Variants in NET1 observed in about 807,000 individuals in gnomAD.
The protein encoded by NET1 is neuroepithelial cell-transforming gene 1 protein.
In NET1, 42 loss-of-function variants were observed where a neutral mutation model predicts 61.1. The observed-to-expected ratio is 0.69, with a 90% CI of 0.54 to 0.89. The LOEUF is 0.89. Among genes scored for constraint, NET1 ranks in the 40% least tolerant of loss-of-function variants. The pLI is 0.00. For synonymous variants in NET1, 254 were observed against 281.8 expected (o/e 0.90, Z 0.99); for missense variants, 654 against 747.3 (o/e 0.88, Z 1.46).
Position 5,424,538 on chromosome 10 carries a change from T to C in NET1, c.129-2117T>C, listed in dbSNP as rs1832229183. Among the ~76,000 whole-genome samples the C allele has an allele frequency of 1.3e-5, 2 of 152,210 alleles. No homozygotes were observed. The highest frequency in any genetic ancestry group is 6.5e-5 in the Admixed American group (1 of 15,280). On this transcript the variant is annotated intron_variant, in intron 1 of 11. Transcript: ENST00000355029. The surrounding 1 kb of genome is among the most constrained non-coding windows in gnomAD (Gnocchi z 6.1). ...CAAGAAAAAAATACCATTTTCTTTG[T>C]TGATGCTTGACTTTTCTGCAGTAGC...
Position 5,454,429 on chromosome 10 carries a change from T to C in NET1, c.933T>C (p.Pro311=). ...KLDLWSFLDI[P]RSRLVKYPLL... ...ATCTTTGGAGTTTCCTAGATATCCC[T>C]CGAAGTCGCCTAGTCAAATACCCTT... The change falls in exon 9 of 12, where the codon CCT becomes CCC. Residue 311 remains proline (P), a synonymous_variant. Coordinates refer to ENST00000355029, the MANE Select transcript of NET1 (RefSeq NM_001047160.3). This position sits in a 1 kb window ranked among gnomAD's most constrained non-coding sequence, Gnocchi z 8.1. 3.1e-6 allele frequency: 5 copies of C among 1,614,190 alleles called. No homozygotes were observed. Among genetic ancestry groups the C allele is most frequent in the Non-Finnish European group, 3.4e-6 (4 of 1,180,018 alleles).
chr10:5,413,954 G>T (rs754513038), intron 1 of NET1, among the ~76,000 whole-genome samples: 1 of 152,112 alleles, frequency 6.6e-6, no homozygotes, highest in East Asian at 1.9e-4. Context: ...ACAGAATGCC[G>T]TAGATTAAAA....
rs905050634 is a variant in NET1 at position 5,444,847 on chromosome 10, C to T, written c.256-6983C>T. 3.3e-5 allele frequency among the ~76,000 whole-genome samples: 5 copies of T among 152,132 alleles called. No individual in the cohort carries two copies. The highest frequency in any genetic ancestry group is 6.5e-5 in the Admixed American group (1 of 15,276). On this transcript the variant is annotated intron_variant, in intron 3 of 11. Transcript: ENST00000355029. This position sits in a 1 kb window ranked among gnomAD's most constrained non-coding sequence, Gnocchi z 5.3. The stretch of plus-strand genomic sequence containing the variant: ...TATTTTCATTTGCATGTTCTTCCAC[C>T]GCCTCACACTCAGTATATCTAAAAT...
At position 5,456,837 on chromosome 10, in the gene NET1, C is replaced by T. The variant is rs778674040; in HGVS notation, c.1634C>T (p.Thr545Ile). ...AGGGCATCCACAGTTTCCAGTGTTA[C>T]TCAGGTAGAAGTTGATGAAAACGCT... ...QRRASTVSSV[T>I]QVEVDENAYR... The change falls in exon 12 of 12, where the codon ACT (threonine) becomes ATT (isoleucine). Residue 545 changes from threonine to isoleucine, a missense_variant. By Grantham distance (89) the Thr-to-Ile change is moderately conservative (BLOSUM62 -1). Transcript: ENST00000355029. The surrounding 1 kb of genome is among the most constrained non-coding windows in gnomAD (Gnocchi z 7.0). The T allele has an allele frequency of 5.0e-6, 8 of 1,613,880 alleles. No homozygotes were observed. The South Asian group carries it at 7.7e-5, about 16-fold the overall frequency.
chr10:5,440,766 C>G lies in NET1; in HGVS notation c.256-11064C>G, dbSNP rs982347058. Among the ~76,000 whole-genome samples, 2 of 152,224 alleles carry G rather than the reference C, an allele frequency of 1.3e-5. No individual in the cohort carries two copies. ...AACACTACAATCATTACAATTACCACTGCCCCTCTCTTGTTCATTTGCCAC... is the reference window on the plus strand; with the variant it reads ...AACACTACAATCATTACAATTACCAGTGCCCCTCTCTTGTTCATTTGCCAC... On this transcript the variant is annotated intron_variant, in intron 3 of 11. Coordinates refer to ENST00000355029, the MANE Select transcript of NET1 (RefSeq NM_001047160.3). This position sits in a 1 kb window ranked among gnomAD's most constrained non-coding sequence, Gnocchi z 4.1.
Position 5,427,514 on chromosome 10 carries a change from T to C in NET1, c.195+793T>C, listed in dbSNP as rs1401531646. 6.6e-6 allele frequency among the ~76,000 whole-genome samples: 1 copy of C among 152,176 alleles called. No individual in the cohort carries two copies. The highest frequency in any genetic ancestry group is 6.5e-5 in the Admixed American group (1 of 15,274). ...TGTATCCTTCTATATTTTGCTCATA[T>C]CATTAATATACACAAAGAGGCTCAC... On this transcript the variant is annotated intron_variant, in intron 2 of 11. Transcript: ENST00000355029. This position sits in a 1 kb window ranked among gnomAD's most constrained non-coding sequence, Gnocchi z 4.1.
chr10:5,446,026 G>A lies in NET1; in HGVS notation c.256-5804G>A, dbSNP rs921479396. 6.6e-6 allele frequency among the ~76,000 whole-genome samples: 1 copy of A among 152,088 alleles called. No homozygotes were observed. Among genetic ancestry groups the A allele is most frequent in the Non-Finnish European group, 1.5e-5 (1 of 68,024 alleles). ...CTACCTCTAAGAAATACTGAATTTT[G>A]AAATCTGAAGTAGCCCAGTTTACCC... is the stretch of plus-strand genomic sequence containing the variant. On this transcript the variant is annotated intron_variant, in intron 3 of 11. Transcript: ENST00000355029. The surrounding 1 kb of genome is among the most constrained non-coding windows in gnomAD (Gnocchi z 5.0).
chr10:5,432,016 T>G (rs1272305993), intron 3 of NET1, among the ~76,000 whole-genome samples: 1 of 152,210 alleles, frequency 6.6e-6, no homozygotes, highest in Non-Finnish European at 1.5e-5. Context: ...ATCTAGTGGC[T>G]TAATAGCCTC....
At position 5,454,617 on chromosome 10, in the gene NET1, A is replaced by T; in HGVS notation, c.1026+95A>T. ...TCTGAAGATGCTGATTCACATCAGCATAGTGAATTGTTTTGTTGTTTTAAG... is the reference window on the plus strand; with the variant it reads ...TCTGAAGATGCTGATTCACATCAGCTTAGTGAATTGTTTTGTTGTTTTAAG... On this transcript the variant is annotated intron_variant, in intron 9 of 11. Coordinates refer to ENST00000355029, the MANE Select transcript of NET1 (RefSeq NM_001047160.3). The surrounding 1 kb of genome is among the most constrained non-coding windows in gnomAD (Gnocchi z 8.1). The T allele has an allele frequency of 7.1e-7, 1 of 1,414,146 alleles. No individual in the cohort carries two copies. Among genetic ancestry groups the T allele is most frequent in the Non-Finnish European group, 9.6e-7 (1 of 1,042,232 alleles). The allele number at this position is 1,414,146 out of a possible 1,614,324, so 87.6% of individuals were successfully genotyped here. A position where few individuals can be genotyped will look rare whatever the true frequency, so the allele number is the denominator to read the frequency against.
At chr10:5,414,185 G>T (rs1056886187) in intron 1 of NET1, among the ~76,000 whole-genome samples, 11 of 152,116 alleles carry the variant, frequency 7.2e-5, no homozygotes, top group African/African-American at 2.7e-4. Context: ...AAACCAATAT[G>T]GGGAGAAGGA....
rs1832108629 is a variant in NET1, at chr10:5,417,920, C to G, written c.128+5100C>G. On this transcript the variant is annotated intron_variant, in intron 1 of 11. Transcript: ENST00000355029. This position sits in a 1 kb window ranked among gnomAD's most constrained non-coding sequence, Gnocchi z 5.5. ...TTTTTCTTTTGTCTATTGAAATGAT[C>G]ATGTGGTTGTTGTTATTACTGATGT... is the stretch of plus-strand genomic sequence containing the variant. Among the ~76,000 whole-genome samples the G allele has an allele frequency of 6.6e-6, 1 of 151,868 alleles. No individual in the cohort carries two copies. The highest frequency in any genetic ancestry group is 2.4e-5 in the African/African-American group (1 of 41,312).
chr10:5,440,126 A>G lies in NET1; in HGVS notation c.255+10897A>G, dbSNP rs1249678261. Among the ~76,000 whole-genome samples the G allele has an allele frequency of 6.6e-6, 1 of 152,160 alleles. No homozygotes were observed. Among genetic ancestry groups the G allele is most frequent in the Admixed American group, 6.5e-5 (1 of 15,282 alleles). ...ATATCCAAAATACTTTCCACTTCCT[A>G]TTCACCAGGTCTTTTTGGTATAATG... is the stretch of plus-strand genomic sequence containing the variant. On this transcript the variant is annotated intron_variant, in intron 3 of 11. Transcript: ENST00000355029. This position sits in a 1 kb window ranked among gnomAD's most constrained non-coding sequence, Gnocchi z 4.1.
At position 5,457,706 on chromosome 10, in the gene NET1, GTGTGTA is replaced by G. The variant is rs1362863818; in HGVS notation, c.*718_*723del. The G allele has an allele frequency of 1.3e-5, 2 of 152,040 alleles. No homozygotes were observed. The highest frequency in any genetic ancestry group is 2.9e-5 in the Non-Finnish European group (2 of 67,924). The allele number at this position is 152,040 out of a possible 1,614,324, so 9.4% of individuals were successfully genotyped here. A position where few individuals can be genotyped will look rare whatever the true frequency, so the allele number is the denominator to read the frequency against. On this transcript the variant is annotated 3_prime_UTR_variant, in exon 12 of 12. Coordinates refer to ENST00000355029, the MANE Select transcript of NET1 (RefSeq NM_001047160.3). This position sits in a 1 kb window ranked among gnomAD's most constrained non-coding sequence, Gnocchi z 5.4. ...TATTTTTCTTCCTGATTAAAAATGT[GTGTGTA>G]TGTGTGTGTGTGTGTGTATATATAT...
Position 5,446,765 on chromosome 10 carries a change from C to T in NET1, c.256-5065C>T, listed in dbSNP as rs1370146401. 6.2e-7 allele frequency: 1 copy of T among 1,601,124 alleles called. No homozygotes were observed. The highest frequency in any genetic ancestry group is 1.7e-5 in the Admixed American group (1 of 59,170). ...AAGGTTTGAGGGAGTACTTGGGAAG[C>T]ATGGTGGCACATGATGAGACTGGAG... is the stretch of plus-strand genomic sequence containing the variant. On this transcript the variant is annotated intron_variant, in intron 3 of 11. Transcript: ENST00000355029. The surrounding 1 kb of genome is among the most constrained non-coding windows in gnomAD (Gnocchi z 5.0).
rs1177828416 is a variant in NET1 at position 5,426,471 on chromosome 10, C to T, written c.129-184C>T. 6.6e-6 allele frequency among the ~76,000 whole-genome samples: 1 copy of T among 152,074 alleles called. No homozygotes were observed. Among genetic ancestry groups the T allele is most frequent in the Non-Finnish European group, 1.5e-5 (1 of 67,990 alleles). ...TAAAGATGCTGAGAATGACCAAAAC[C>T]TATACCCTGTTTGTTTGTTTTTTAT... On this transcript the variant is annotated intron_variant, in intron 1 of 11. Coordinates refer to ENST00000355029, the MANE Select transcript of NET1 (RefSeq NM_001047160.3). The surrounding 1 kb of genome is among the most constrained non-coding windows in gnomAD (Gnocchi z 4.6).
chr10:5,456,505 A>G lies in NET1; in HGVS notation c.1385-83A>G. On this transcript the variant is annotated intron_variant, in intron 11 of 11. Transcript: ENST00000355029. This position sits in a 1 kb window ranked among gnomAD's most constrained non-coding sequence, Gnocchi z 7.0. The stretch of plus-strand genomic sequence containing the variant: ...AATAAATTGCCATAAATTGACAGTC[A>G]CGTTAAGATTGTATGACCACTTTGT... 2 of 1,324,422 alleles carry G rather than the reference A, an allele frequency of 1.5e-6. No homozygotes were observed. The highest frequency in any genetic ancestry group is 1.5e-5 in the South Asian group (1 of 68,138). The allele number at this position is 1,324,422 out of a possible 1,614,324, so 82.0% of individuals were successfully genotyped here.
At chr10:5,430,447 C>T (rs1236305993) in intron 3 of NET1, among the ~76,000 whole-genome samples, 2 of 150,836 alleles carry the variant, frequency 1.3e-5, no homozygotes, top group African/African-American at 2.4e-5. Context: ...CGATCTCGGC[C>T]CCCTGCAACC....
rs1832666089 is a variant in NET1 at position 5,449,191 on chromosome 10, A to C, written c.256-2639A>C. The stretch of plus-strand genomic sequence containing the variant: ...TTATACCTTTACATTTCATAATCAC[A>C]CTTTTCGTTATTTTAGTCATTAAAA... On this transcript the variant is annotated intron_variant, in intron 3 of 11. Coordinates refer to ENST00000355029, the MANE Select transcript of NET1 (RefSeq NM_001047160.3). This position sits in a 1 kb window ranked among gnomAD's most constrained non-coding sequence, Gnocchi z 4.4. Among the ~76,000 whole-genome samples the C allele has an allele frequency of 6.6e-6, 1 of 152,172 alleles. No individual in the cohort carries two copies. The highest frequency in any genetic ancestry group is 1.5e-5 in the Non-Finnish European group (1 of 68,038).
chr10:5,427,263 A>G lies in NET1; in HGVS notation c.195+542A>G, dbSNP rs1832272304. On this transcript the variant is annotated intron_variant, in intron 2 of 11. Coordinates refer to ENST00000355029, the MANE Select transcript of NET1 (RefSeq NM_001047160.3). The surrounding 1 kb of genome is among the most constrained non-coding windows in gnomAD (Gnocchi z 4.1). ...CTTAAAACTTATTAGCTCATAATAC[A>G]TATATAAAGTACGTACAAATAGATC... Among the ~76,000 whole-genome samples the G allele has an allele frequency of 6.6e-6, 1 of 152,202 alleles. No homozygotes were observed. Among genetic ancestry groups the G allele is most frequent in the Non-Finnish European group, 1.5e-5 (1 of 68,022 alleles).
Sources: allele counts gnomAD v4.1 joint callset (sites outside exome capture counted in the v4.1 genomes callset), GRCh38; gene constraint gnomAD v4.1.1; non-coding constraint Gnocchi (gnomAD v3.1); transcripts MANE v1.5; gene names NCBI Gene and HGNC (gene_info 2026-07-23, HGNC 2026-07-21).